The following TKT variants were observed in gnomAD, a reference collection of about 807,000 sequenced individuals.
TKT encodes transketolase, also known as epididymis luminal protein 107.
A neutral mutation model predicts 63.9 loss-of-function variants in TKT; 47 were observed. The observed-to-expected ratio is 0.74, with a 90% CI of 0.58 to 0.94. The LOEUF is 0.94. Ranked by LOEUF, TKT falls within the 40% of genes least tolerant of loss-of-function variation. TKT has a pLI of 0.00. For synonymous variants in TKT, 338 were observed against 334.1 expected, an observed-to-expected ratio of 1.01 and a Z score of -0.13; for missense variants, 721 against 846.2, an observed-to-expected ratio of 0.85 and a Z score of 1.84.
At chr3:53,255,787 G>A in intron 1 of TKT, 49 bp downstream of exon 1, 3 of 1,256,478 alleles carry the variant, frequency 2.4e-6, no homozygotes, top group Non-Finnish European at 3.1e-6. Context: ...CGCCGCAGAC[G>A]CCCCCCGCCC....
intron 8 of TKT, among the ~76,000 whole-genome samples, chr3:53,230,240 C>G (rs1040185104): frequency 6.6e-6 from 1 of 152,388 alleles, no homozygotes; most frequent in South Asian, 2.1e-4. Flanking sequence ...TCGGCTCCCC[C>G]ATGTGCACAC....
At chr3:53,245,096 G>C (rs1450451550) in intron 1 of TKT, among the ~76,000 whole-genome samples, 2 of 150,082 alleles carry the variant, frequency 1.3e-5, no homozygotes, top group Non-Finnish European at 3.0e-5. Flanking sequence ...CTGAGGTCAG[G>C]AGTTTAAGAC....
At chr3:53,233,566 TCTG>T in intron 5 of TKT, 1 of 282,706 alleles carries the variant, frequency 3.5e-6, no homozygotes, top group South Asian at 6.6e-5. Context: ...TCATTCCTGA[TCTG>T]CTCATTTCCT....
chr3:53,235,030 T>G lies in TKT; in HGVS notation c.582A>C (p.Pro194=), dbSNP rs1051485. ...GGTAGATGTCCATCTGGTGCTGCAGTGGGGCCGGGTCACTCTGGCCCAGGC... is the reference window on the plus strand; with the variant it reads ...GGTAGATGTCCATCTGGTGCTGCAGGGGGGCCGGGTCACTCTGGCCCAGGC... ...INRLGQSDPA[P]LQHQMDIYQK... Residue 194 remains proline, a synonymous_variant, in exon 5 of 14, where the codon CCA becomes CCC. Transcript: ENST00000462138. 1 of 1,613,702 alleles carries G rather than the reference T, an allele frequency of 6.2e-7. No homozygotes were observed. The highest frequency in any genetic ancestry group is 1.1e-5 in the South Asian group (1 of 91,054).
Position 53,228,286 on chromosome 3 carries a change from C to A in TKT, c.1469G>T (p.Gly490Val). 6.2e-7 allele frequency: 1 copy of A among 1,614,186 alleles called. No homozygotes were observed. The highest frequency in any genetic ancestry group is 1.1e-5 in the South Asian group (1 of 91,072). ...ATGCGAGGCACTGACCTTGGCTTGTCCGACCTGGAAGTCCTCATTGTTGTT... is the reference window on the plus strand; with the variant it reads ...ATGCGAGGCACTGACCTTGGCTTGTACGACCTGGAAGTCCTCATTGTTGTT... Reference protein sequence around the residue: ...IYNNNEDFQVGQAKVVLKSKD... With the variant: ...IYNNNEDFQVVQAKVVLKSKD... The change falls in exon 11 of 14, where the codon GGA (glycine) becomes GTA (valine). Residue 490 changes from glycine (G) to valine (V), a missense_variant. Coordinates refer to ENST00000462138, the MANE Select transcript of TKT (RefSeq NM_001064.4).
intron 4 of TKT, among the ~76,000 whole-genome samples, chr3:53,236,082 C>T (rs1276588961): frequency 6.6e-6 from 1 of 152,236 alleles, no homozygotes; most frequent in Non-Finnish European, 1.5e-5. Flanking sequence ...CCGCTCCTTG[C>T]CGTGCAGGCA....
chr3:53,249,240 G>A (rs940044746), intron 1 of TKT, among the ~76,000 whole-genome samples: 25 of 151,474 alleles, frequency 1.7e-4, no homozygotes, highest in Non-Finnish European at 2.7e-4. Flanking sequence ...AAAGTGCTGG[G>A]ATTACAGGTG....
chr3:53,230,440 C>T lies in TKT; in HGVS notation c.1107+17G>A. The T allele has an allele frequency of 1.2e-6, 2 of 1,614,068 alleles. No individual in the cohort carries two copies. The highest frequency in any genetic ancestry group is 2.2e-5 in the South Asian group (2 of 91,072). ...TCAGCCTTGGGTGGACCTGTCCCTG[C>T]CGGCCCCAGCACCTACCATGTTCTG... On this transcript the variant is annotated intron_variant, in intron 8 of 13. Coordinates refer to ENST00000462138, the MANE Select transcript of TKT (RefSeq NM_001064.4).
At position 53,242,258 on chromosome 3, in the gene TKT, GAAGA is replaced by G. The variant is rs782234753; in HGVS notation, c.108-20_108-17del. 2 of 1,611,882 alleles carry G rather than the reference GAAGA, an allele frequency of 1.2e-6. No homozygotes were observed. Among genetic ancestry groups the G allele is most frequent in the Non-Finnish European group, 1.7e-6 (2 of 1,178,400 alleles). On this transcript the variant is annotated splice_polypyrimidine_tract_variant and intron_variant, in intron 1 of 13. Transcript: ENST00000462138. The stretch of plus-strand genomic sequence containing the variant: ...CGTGGGGTGGCTGTGGCCCAGGAGA[GAAGA>G]CAGACACAGGCATCATGGCCCTGCA...
In TKT at chr3:53,225,701, C is replaced by T; in HGVS notation, c.*55G>A. 1.3e-6 allele frequency: 2 copies of T among 1,515,968 alleles called. No homozygotes were observed. Among genetic ancestry groups the T allele is most frequent in the Admixed American group, 3.9e-5 (2 of 50,670 alleles). 93.9% of individuals were successfully genotyped at this position (1,515,968 alleles called of 1,614,324 possible). On this transcript the variant is annotated 3_prime_UTR_variant, in exon 14 of 14. Transcript: ENST00000462138. ...CCTCCTCTCAGTACATCTTTGAGCA[C>T]CTTTCCCAGAATCTCAGGAATGTAT...
chr3:53,232,443 G>C, intron 6 of TKT: 1 of 399,020 alleles, frequency 2.5e-6, no homozygotes, highest in Non-Finnish European at 4.4e-6. Flanking sequence ...TGGGCAGCCA[G>C]GGGCATTTGG....
intron 13 of TKT, 29 bp from the exon 14 acceptor site, chr3:53,225,960 A>AC (rs782799648): frequency 1.3e-6 from 2 of 1,592,386 alleles, no homozygotes; most frequent in African/African-American, 2.7e-5. Context: ...GAGTCAGAAG[A>AC]CGAGGCCTCA....
In TKT at chr3:53,230,481, C is replaced by T; in HGVS notation, c.1083G>A (p.Glu361=). The T allele has an allele frequency of 1.2e-6, 2 of 1,614,234 alleles. No homozygotes were observed. Among genetic ancestry groups the T allele is most frequent in the Non-Finnish European group, 1.7e-6 (2 of 1,180,038 alleles). ...FKKEHPDRFI[E]CYIAEQNMVS... ...CCATGTTCTGCTCAGCAATGTAGCA[C>T]TCGATGAAGCGGTCCGGGTGCTCCT... Residue 361 remains glutamate, a synonymous_variant, in exon 8 of 14, where the codon GAG becomes GAA. Coordinates refer to ENST00000462138, the MANE Select transcript of TKT (RefSeq NM_001064.4).
intron 1 of TKT, among the ~76,000 whole-genome samples, chr3:53,252,788 T>C (rs1553681840): frequency 6.6e-6 from 1 of 152,160 alleles, no homozygotes; most frequent in Non-Finnish European, 1.5e-5. Context: ...TGGCCTTCCC[T>C]TTCACCTTTT....
Position 53,225,770 on chromosome 3 carries a change from T to G in TKT, c.1858A>C (p.Ile620Leu). 6.2e-7 allele frequency: 1 copy of G among 1,613,088 alleles called. No individual in the cohort carries two copies. The highest frequency in any genetic ancestry group is 8.5e-7 in the Non-Finnish European group (1 of 1,179,318). Reference protein sequence around the residue: ...DAIAQAVRGLITKA With the variant: ...DAIAQAVRGLLTKA Reference sequence around the variant, plus strand: ...TCATACCCGCCCTAGGCCTTGGTGATGAGGCCCCTCACAGCTTGTGCAATG... The same window carrying G: ...TCATACCCGCCCTAGGCCTTGGTGAGGAGGCCCCTCACAGCTTGTGCAATG... Residue 620 changes from isoleucine (I) to leucine (L), a missense_variant, in exon 14 of 14, where the codon ATC (isoleucine) becomes CTC (leucine). Physicochemically the swap from Ile to Leu is conservative, Grantham distance 5 (BLOSUM62 2). Coordinates refer to ENST00000462138, the MANE Select transcript of TKT (RefSeq NM_001064.4).
chr3:53,229,200 A>T, intron 9 of TKT, 63 bp from the exon 10 acceptor site: 6 of 1,613,080 alleles, frequency 3.7e-6, no homozygotes, highest in Non-Finnish European at 5.1e-6. Context: ...ATGGGCTGGA[A>T]TCCTGGCCCA....
intron 4 of TKT, 103 bp downstream of exon 4, chr3:53,240,148 A>G: frequency 1.8e-6 from 2 of 1,132,012 alleles, no homozygotes; most frequent in South Asian, 1.5e-5. Flanking sequence ...ACTCTGCCCT[A>G]GCCAGGAAAG....
intron 1 of TKT, among the ~76,000 whole-genome samples, chr3:53,253,858 TC>T (rs1478436429): frequency 6.6e-6 from 1 of 152,118 alleles, no homozygotes; most frequent in African/African-American, 2.4e-5. Flanking sequence ...CACCTTGGCC[TC>T]CCAAAGTGCT....
Position 53,225,072 on chromosome 3 carries a change from G to A in TKT, c.*684C>T, listed in dbSNP as rs1704445873. 1.3e-5 allele frequency: 2 copies of A among 152,192 alleles called. No individual in the cohort carries two copies. Among genetic ancestry groups the A allele is most frequent in the African/African-American group, 4.8e-5 (2 of 41,440 alleles). The allele number at this position is 152,192 out of a possible 1,614,324, so 9.4% of individuals were successfully genotyped here. A position where few individuals can be genotyped will look rare whatever the true frequency, so the allele number is the denominator to read the frequency against. ...GGGCCAGTTGTCACATGGAGTCCCA[G>A]GCCCCATTGGCAAGACCCAGAAATC... On this transcript the variant is annotated 3_prime_UTR_variant, in exon 14 of 14. Transcript: ENST00000462138.
Sources: gnomAD v4.1 joint callset for allele counts (sites outside exome capture counted in the v4.1 genomes callset) on GRCh38, gnomAD v4.1.1 for gene constraint, MANE v1.5 for transcripts, NCBI Gene and HGNC (gene_info 2026-07-23, HGNC 2026-07-21) for gene names.